Variants in EYA1 observed in about 807,000 individuals in gnomAD.
The protein encoded by EYA1 is EYA transcriptional coactivator and phosphatase 1, also known as protein phosphatase EYA1.
A neutral mutation model predicts 82.0 loss-of-function variants in EYA1; 16 were observed. That is an observed-to-expected ratio of 0.20 (90% CI 0.13 to 0.30). The LOEUF is 0.30. Ranked by LOEUF, EYA1 falls within the 10% of genes least tolerant of loss-of-function variation. EYA1 has a pLI of 1.00. For missense variants in EYA1, 633 were observed against 730.7 expected (o/e 0.87, Z 1.54); for synonymous variants, 261 against 264.4 (o/e 0.99, Z 0.12).
intron 2 of EYA1, among the ~76,000 whole-genome samples, chr8:71,502,345 T>C (rs771731768): frequency 6.6e-6 from 1 of 152,206 alleles, no homozygotes; most frequent in Non-Finnish European, 1.5e-5. Context: ...ATATTTCTTT[T>C]ATAGGGAAAT....
At chr8:71,258,459 C>T (rs193248926) in intron 11 of EYA1, among the ~76,000 whole-genome samples, 2 of 152,302 alleles carry the variant, frequency 1.3e-5, no homozygotes, top group Admixed American at 1.3e-4. Flanking sequence ...CACAGGGAAA[C>T]TCATCTCTGC....
At chr8:71,299,887 T>C (rs1820015852) in intron 7 of EYA1, among the ~76,000 whole-genome samples, 167 bp from the exon 8 acceptor site, 1 of 152,198 alleles carries the variant, frequency 6.6e-6, no homozygotes, top group Admixed American at 6.5e-5. Context: ...ATGATTTTAT[T>C]TTTACTACAA....
At chr8:71,506,217 C>T (rs1413184535) in intron 2 of EYA1, among the ~76,000 whole-genome samples, 1 of 152,218 alleles carries the variant, frequency 6.6e-6, no homozygotes, top group Non-Finnish European at 1.5e-5. Context: ...CACTTCTACA[C>T]AGAGCATCAA....
At chr8:71,478,389 C>T (rs944844478) in intron 2 of EYA1, among the ~76,000 whole-genome samples, 2 of 152,228 alleles carry the variant, frequency 1.3e-5, no homozygotes, top group South Asian at 2.1e-4. Flanking sequence ...CACAATTAAT[C>T]ATAGTCCAAT....
At chr8:71,303,779 T>C (rs1263654975) in intron 7 of EYA1, among the ~76,000 whole-genome samples, 2 of 142,646 alleles carry the variant, frequency 1.4e-5, no homozygotes, top group Non-Finnish European at 3.2e-5. Flanking sequence ...GAGTACTCTC[T>C]CTATGTTAGG....
intron 2 of EYA1, among the ~76,000 whole-genome samples, chr8:71,522,905 T>C (rs1478150863): frequency 6.6e-6 from 1 of 152,154 alleles, no homozygotes; most frequent in East Asian, 1.9e-4. Context: ...CCACTGCACC[T>C]GACCTCAAGC....
intron 7 of EYA1, among the ~76,000 whole-genome samples, chr8:71,304,476 A>AAGTGTCT (rs1374538170): frequency 7.0e-6 from 1 of 142,488 alleles, no homozygotes; most frequent in Non-Finnish European, 1.6e-5. Context: ...ACTGCCTCAG[A>AAGTGTCT]GTCATTAGGA....
chr8:71,218,264 A>G (rs1809456811), intron 12 of EYA1, among the ~76,000 whole-genome samples: 1 of 152,198 alleles, frequency 6.6e-6, no homozygotes. Context: ...TCTAGCACTT[A>G]GACTCAACTT....
chr8:71,251,306 T>C (rs1201144220), intron 11 of EYA1, among the ~76,000 whole-genome samples: 1 of 152,190 alleles, frequency 6.6e-6, no homozygotes, highest in Admixed American at 6.5e-5. Context: ...AATTTTCTTG[T>C]TTAACGAAGA....
intron 1 of EYA1, among the ~76,000 whole-genome samples, chr8:71,540,501 C>T (rs974684734): frequency 1.3e-5 from 2 of 151,556 alleles, no homozygotes; most frequent in African/African-American, 4.9e-5. Context: ...ATGAAGCAGA[C>T]AGAGAAAGGG....
intron 1 of EYA1, among the ~76,000 whole-genome samples, chr8:71,545,324 C>T (rs747779490): frequency 3.3e-5 from 5 of 152,144 alleles, no homozygotes; most frequent in Admixed American, 6.5e-5. Flanking sequence ...ATGCAATATA[C>T]TCAGTTGTCT....
chr8:71,388,456 T>C (rs1399088521), intron 2 of EYA1, among the ~76,000 whole-genome samples: 1 of 152,164 alleles, frequency 6.6e-6, no homozygotes, highest in African/African-American at 2.4e-5. Flanking sequence ...GTTTTTCGGT[T>C]GTCTGTGAAG....
At chr8:71,513,148 T>C (rs1812723283) in intron 2 of EYA1, among the ~76,000 whole-genome samples, 1 of 152,194 alleles carries the variant, frequency 6.6e-6, no homozygotes, top group Non-Finnish European at 1.5e-5. Flanking sequence ...TCAATGAGCA[T>C]ATAGCTCTTC....
intron 12 of EYA1, among the ~76,000 whole-genome samples, chr8:71,221,632 G>A (rs942684165): frequency 2.0e-5 from 3 of 152,130 alleles, no homozygotes; most frequent in Non-Finnish European, 4.4e-5. Flanking sequence ...GGCAGGAGAG[G>A]GCTCTTCGCC....
chr8:71,248,777 A>G (rs1813404362), intron 11 of EYA1, among the ~76,000 whole-genome samples: 1 of 152,218 alleles, frequency 6.6e-6, no homozygotes, highest in African/African-American at 2.4e-5. Context: ...CACTGTTAAA[A>G]TTTCTAAAGT....
intron 9 of EYA1, among the ~76,000 whole-genome samples, chr8:71,274,878 G>A (rs1038054857): frequency 1.3e-5 from 2 of 152,064 alleles, no homozygotes; most frequent in African/African-American, 4.8e-5. Flanking sequence ...GAGAGAGAGA[G>A]AGTGAGCGAG....
At chr8:71,417,597 A>G (rs1320287517) in intron 2 of EYA1, among the ~76,000 whole-genome samples, 1 of 152,316 alleles carries the variant, frequency 6.6e-6, no homozygotes, top group East Asian at 1.9e-4. Context: ...ATTATAAAAA[A>G]CACAGAAAAA....
chr8:71,268,963 C>G (rs909876374), intron 11 of EYA1, among the ~76,000 whole-genome samples: 1 of 152,076 alleles, frequency 6.6e-6, no homozygotes, highest in Admixed American at 6.5e-5. Flanking sequence ...AAACCTAAGA[C>G]TTATTATTTC....
intron 2 of EYA1, among the ~76,000 whole-genome samples, chr8:71,493,564 G>C (rs891657089): frequency 6.6e-6 from 1 of 152,152 alleles, no homozygotes; most frequent in Non-Finnish European, 1.5e-5. Context: ...GGAACTTTCT[G>C]AAAGTCTCCT....
Sources: allele counts gnomAD v4.1 joint callset (sites outside exome capture counted in the v4.1 genomes callset), GRCh38; gene constraint gnomAD v4.1.1; transcripts MANE v1.5; gene names NCBI Gene and HGNC (gene_info 2026-07-23, HGNC 2026-07-21).